Variants in HEATR4 observed in about 807,000 individuals in gnomAD.
The protein encoded by HEATR4 is HEAT repeat containing 4, also known as HEAT repeat-containing protein 4.
HEATR4 carries 95 observed loss-of-function variants against 108.8 expected under a neutral mutation model. That is an observed-to-expected ratio of 0.87 (90% CI 0.74 to 1.04). The LOEUF (loss-of-function observed/expected upper bound fraction) is 1.04, where lower values mean the gene tolerates loss of function less well. HEATR4 is among the 50% of genes least tolerant of loss of function. The pLI, the probability that HEATR4 is intolerant of heterozygous loss-of-function variation, is 0.00. For synonymous variants in HEATR4, 443 were observed against 459.4 expected, an observed-to-expected ratio of 0.96 and a Z score of 0.46; for missense variants, 1,152 against 1,253.8, an observed-to-expected ratio of 0.92 and a Z score of 1.23.
At chr14:73,512,348 C>T (rs958177398) in intron 6 of HEATR4, among the ~76,000 whole-genome samples, 199 bp from the exon 7 acceptor site, 1 of 152,174 alleles carries the variant, frequency 6.6e-6, no homozygotes, top group African/African-American at 2.4e-5. Context: ...AGTAAGTTCC[C>T]AGACAAAACT....
At chr14:73,610,199 C>A in the HEATR4 span, among the ~76,000 whole-genome samples, 1 of 151,984 alleles carries the variant, frequency 6.6e-6, no homozygotes, top group Non-Finnish European at 1.5e-5. Flanking sequence ...CCTGATCATC[C>A]TGCTTATTAT....
rs759489283 is a variant in HEATR4 at position 73,493,092 on chromosome 14, C to G, written c.2818G>C (p.Val940Leu). The G allele has an allele frequency of 6.2e-7, 1 of 1,610,136 alleles. No individual in the cohort carries two copies. The highest frequency in any genetic ancestry group is 8.5e-7 in the Non-Finnish European group (1 of 1,179,518). The change falls in exon 17 of 18, where the codon GTT becomes CTT. Residue 940 changes from valine to leucine, a missense_variant. By Grantham distance (32) the Val-to-Leu change is conservative. Transcript: ENST00000553558. ...EMVLPRRPSE[V>L]CDTEAVIKPV... ...TTTATCACTGCTTCAGTGTCACAAA[C>G]CTCGGAAGGTCTTCTAGGAAGAACC...
At position 73,493,071 on chromosome 14, in the gene HEATR4, T is replaced by C. The variant is rs1885891096; in HGVS notation, c.2839A>G (p.Ile947Val). Residue 947 changes from isoleucine to valine, a missense_variant, in exon 17 of 18, where the codon ATA becomes GTA. By Grantham distance (29) the Ile-to-Val change is conservative (BLOSUM62 3). Transcript: ENST00000553558. ...ATCAGTGTGCTCACATTTACCTTTA[T>C]CACTGCTTCAGTGTCACAAACCTCG... The part of the protein sequence containing the change: ...PSEVCDTEAV[I>V]KPVKPRAPNP... The C allele has an allele frequency of 6.2e-7, 1 of 1,613,122 alleles. No individual in the cohort carries two copies. The highest frequency in any genetic ancestry group is 1.7e-5 in the Admixed American group (1 of 59,904).
At chr14:73,528,593 G>C (rs574973328) in intron 2 of HEATR4, among the ~76,000 whole-genome samples, 4 of 152,160 alleles carry the variant, frequency 2.6e-5, no homozygotes, top group Non-Finnish European at 5.9e-5. Flanking sequence ...AGGCCAAATT[G>C]TGCACTTCCC....
the HEATR4 span, among the ~76,000 whole-genome samples, chr14:73,609,828 A>G: frequency 1.6e-4 from 24 of 151,712 alleles, no homozygotes; most frequent in Non-Finnish European, 1.5e-5. Context: ...TTTAGTAGAG[A>G]CGGGGTTTCA....
chr14:73,597,596 T>C, the HEATR4 span, among the ~76,000 whole-genome samples: 41 of 135,200 alleles, frequency 3.0e-4, no homozygotes, highest in East Asian at 3.3e-3. Flanking sequence ...CTTTTCTTTT[T>C]TTTTTTTTTT....
the HEATR4 span, among the ~76,000 whole-genome samples, chr14:73,608,028 G>C: frequency 4.0e-5 from 6 of 150,758 alleles, no homozygotes; most frequent in East Asian, 1.2e-3. Context: ...GGGTTCAAGC[G>C]ATTCGCCTGC....
chr14:73,505,438 C>T (rs1886748413), intron 10 of HEATR4, among the ~76,000 whole-genome samples: 1 of 151,800 alleles, frequency 6.6e-6, no homozygotes. Context: ...GCACTGTCGC[C>T]CAGGCTGGAG....
At chr14:73,574,491 G>T in the HEATR4 span, 1 of 331,174 alleles carries the variant, frequency 3.0e-6, no homozygotes, top group Non-Finnish European at 5.7e-6. Context: ...TCAAACTCCT[G>T]ACCTCAAATG....
At chr14:73,520,822 G>T in intron 4 of HEATR4, 30 bp downstream of exon 4, 1 of 1,592,838 alleles carries the variant, frequency 6.3e-7, no homozygotes, top group Non-Finnish European at 8.6e-7. Flanking sequence ...GTCCCCGTGT[G>T]CCCCTACCAC....
At chr14:73,629,404 G>A in the HEATR4 span, among the ~76,000 whole-genome samples, 3 of 152,280 alleles carry the variant, frequency 2.0e-5, no homozygotes, top group South Asian at 6.2e-4. Flanking sequence ...AGGTATCCCT[G>A]TATTAACAAT....
In HEATR4 at chr14:73,522,437, T is replaced by C; in HGVS notation, c.716A>G (p.Gln239Arg). Residue 239 changes from glutamine (Q) to arginine (R), a missense_variant, in exon 3 of 18, where the codon CAG becomes CGG. Gln to Arg is a conservative substitution (Grantham distance 43). Transcript: ENST00000553558. The stretch of plus-strand genomic sequence containing the variant: ...CCGAATGTGACTCCAGTCGTACTGC[T>C]GGCGCAGGAAGCTCTGCCACTTGTT... The part of the protein sequence containing the change: ...SPNKWQSFLR[Q>R]QYDWSHIRDE... The C allele has an allele frequency of 6.2e-7, 1 of 1,614,254 alleles. No individual in the cohort carries two copies. Among genetic ancestry groups the C allele is most frequent in the South Asian group, 1.1e-5 (1 of 91,088 alleles).
At chr14:73,619,042 AT>A in the HEATR4 span, among the ~76,000 whole-genome samples, 2 of 152,170 alleles carry the variant, frequency 1.3e-5, no homozygotes, top group African/African-American at 4.8e-5. Flanking sequence ...AGGCACGAGA[AT>A]TGCTTGAACC....
intron 1 of HEATR4, among the ~76,000 whole-genome samples, chr14:73,551,734 A>T (rs183866780): frequency 9.2e-6 from 1 of 108,576 alleles, no homozygotes; most frequent in Non-Finnish European, 2.0e-5. Flanking sequence ...CTTGAACCCC[A>T]GGAGGCCGAG....
chr14:73,522,153 G>A, intron 3 of HEATR4, 119 bp downstream of exon 3: 1 of 1,037,816 alleles, frequency 9.6e-7, no homozygotes, highest in African/African-American at 1.6e-5. Context: ...GGCCGGTGGT[G>A]GAGAACATGA....
At position 73,499,127 on chromosome 14, in the gene HEATR4, A is replaced by G. The variant is rs543489401; in HGVS notation, c.2300T>C (p.Leu767Pro). 9 of 1,614,136 alleles carry G rather than the reference A, an allele frequency of 5.6e-6. No individual in the cohort carries two copies. The East Asian group carries it at 2.0e-4, about 36-fold the overall frequency. The stretch of plus-strand genomic sequence containing the variant: ...AGGATCTCTCTGCATCAGGTTCAGG[A>G]GGCATTCAAGCACCTGGGATGGAAA... Reference protein sequence around the residue: ...QIRDKMVLECLLNLMQRDPYW... With the variant: ...QIRDKMVLECPLNLMQRDPYW... The change falls in exon 13 of 18, where the codon CTC becomes CCC. Residue 767 changes from leucine (L) to proline (P), a missense_variant. By Grantham distance (98) the Leu-to-Pro change is moderately conservative. Transcript: ENST00000553558.
At chr14:73,504,076 C>CTTT (rs538654870) in intron 10 of HEATR4, among the ~76,000 whole-genome samples, 1 of 127,758 alleles carries the variant, frequency 7.8e-6, no homozygotes, top group African/African-American at 2.9e-5. Flanking sequence ...TTTTGCATTT[C>CTTT]TTTTTTTTTT....
rs1195366561 is a variant in HEATR4 at position 73,519,096 on chromosome 14, C to G, written c.1137G>C (p.Arg379=). The G allele has an allele frequency of 1.2e-6, 2 of 1,613,834 alleles. No homozygotes were observed. The highest frequency in any genetic ancestry group is 1.1e-5 in the South Asian group (1 of 91,058). ...RDQIVLENLN[R]YNKQLSKVFP... ...AGACCTTAGATAGCTGCTTGTTGTACCGATTTAGGTTTTCCAGGACAATCT... is the reference window on the plus strand; with the variant it reads ...AGACCTTAGATAGCTGCTTGTTGTAGCGATTTAGGTTTTCCAGGACAATCT... The change falls in exon 5 of 18, where the codon CGG becomes CGC. Residue 379 remains arginine (R), a synonymous_variant. Coordinates refer to ENST00000553558, the MANE Select transcript of HEATR4 (RefSeq NM_001220484.1).
At chr14:73,488,020 TG>T (rs1456230984) in intron 17 of HEATR4, among the ~76,000 whole-genome samples, 1 of 152,156 alleles carries the variant, frequency 6.6e-6, no homozygotes, top group African/African-American at 2.4e-5. Context: ...GATTTGTCAA[TG>T]GGGCACCTAG....
Sources: gnomAD v4.1 joint callset for allele counts (sites outside exome capture counted in the v4.1 genomes callset) on GRCh38, gnomAD v4.1.1 for gene constraint, MANE v1.5 for transcripts, NCBI Gene and HGNC (gene_info 2026-07-23, HGNC 2026-07-21) for gene names.